The following PRLR variants were observed in gnomAD, a reference collection of about 807,000 sequenced individuals.
PRLR encodes the protein prolactin receptor, also known as hPRL receptor.
In PRLR, 13 loss-of-function variants were observed where a neutral mutation model predicts 40.2. The observed-to-expected ratio is 0.32, with a 90% confidence interval of 0.21 to 0.51. The LOEUF is 0.51. PRLR is among the 20% of genes least tolerant of loss of function. The pLI is 0.97. For missense variants in PRLR, 656 were observed against 747.3 expected, an observed-to-expected ratio of 0.88 and a Z score of 1.42; for synonymous variants, 269 against 278.7, an observed-to-expected ratio of 0.97 and a Z score of 0.35.
intron 3 of PRLR, among the ~76,000 whole-genome samples, chr5:35,087,393 T>G (rs999357425): frequency 6.6e-6 from 1 of 151,738 alleles, no homozygotes; most frequent in Admixed American, 6.6e-5. Context: ...TTAGTCCTTT[T>G]TTTTCTCTTA....
At chr5:35,048,985 C>A in exon 9 of PRLR, 2 of 423,074 alleles carry the variant, frequency 4.7e-6, no homozygotes, top group Non-Finnish European at 9.3e-6. Context: ...TTCACAAACA[C>A]CTGCATAACA....
intron 3 of PRLR, among the ~76,000 whole-genome samples, chr5:35,087,005 T>A (rs1770896895): frequency 1.3e-5 from 2 of 152,130 alleles, no homozygotes; most frequent in Non-Finnish European, 2.9e-5. Flanking sequence ...TTTTCTTGAT[T>A]TTTTTTGGGA....
At chr5:35,115,415 A>C (rs982526447) in intron 2 of PRLR, among the ~76,000 whole-genome samples, 1 of 152,206 alleles carries the variant, frequency 6.6e-6, no homozygotes, top group Non-Finnish European at 1.5e-5. Flanking sequence ...AATTTAGTCA[A>C]AGCAGAAACT....
At chr5:35,142,769 C>T (rs1409329222) in intron 1 of PRLR, among the ~76,000 whole-genome samples, 1 of 152,172 alleles carries the variant, frequency 6.6e-6, no homozygotes, top group Non-Finnish European at 1.5e-5. Context: ...GGTGAGGTTA[C>T]AGAATATTAA....
intron 1 of PRLR, among the ~76,000 whole-genome samples, chr5:35,154,383 T>C (rs1341434570): frequency 2.6e-5 from 4 of 152,226 alleles, no homozygotes; most frequent in African/African-American, 9.6e-5. Flanking sequence ...AATTTTGTAG[T>C]TATTTAGTAT....
intron 1 of PRLR, among the ~76,000 whole-genome samples, chr5:35,146,114 C>T: frequency 6.6e-6 from 1 of 152,172 alleles, no homozygotes. Context: ...GCTAGACCTG[C>T]TTGGTCACTT....
At chr5:35,103,459 G>C (rs552240414) in intron 2 of PRLR, among the ~76,000 whole-genome samples, 1 of 152,274 alleles carries the variant, frequency 6.6e-6, no homozygotes, top group Admixed American at 6.5e-5. Context: ...TGGCTTGGCA[G>C]ATCCCAGTAA....
chr5:35,114,313 T>C (rs1772878685), intron 2 of PRLR, among the ~76,000 whole-genome samples: 1 of 152,212 alleles, frequency 6.6e-6, no homozygotes, highest in Non-Finnish European at 1.5e-5. Context: ...TCTTTTAATG[T>C]AAAGTGTCGA....
chr5:35,067,229 G>A (rs1463272864), intron 9 of PRLR, among the ~76,000 whole-genome samples: 1 of 152,138 alleles, frequency 6.6e-6, no homozygotes, highest in Non-Finnish European at 1.5e-5. Context: ...GGGTTCTTTT[G>A]AGGATTAGAG....
chr5:35,110,134 G>A (rs1014580285), intron 2 of PRLR, among the ~76,000 whole-genome samples: 9 of 152,038 alleles, frequency 5.9e-5, no homozygotes, highest in African/African-American at 9.7e-5. Flanking sequence ...ACCAAACACC[G>A]CATGTTCTCA....
At chr5:35,153,765 A>G (rs1343416325) in intron 1 of PRLR, among the ~76,000 whole-genome samples, 2 of 151,936 alleles carry the variant, frequency 1.3e-5, no homozygotes, top group African/African-American at 4.8e-5. Flanking sequence ...CACTACACAC[A>G]CACACACACA....
chr5:35,070,090 A>G (rs759838360), intron 7 of PRLR, 34 bp downstream of exon 7: 54 of 1,585,370 alleles, frequency 3.4e-5, no homozygotes, highest in Non-Finnish European at 4.2e-5. Flanking sequence ...AAACATATTT[A>G]GGGACATAAG....
chr5:35,120,156 C>T (rs1773238136), intron 1 of PRLR, among the ~76,000 whole-genome samples: 1 of 152,050 alleles, frequency 6.6e-6, no homozygotes, highest in Admixed American at 6.6e-5. Context: ...ATCAGGGTAT[C>T]GATTTCCCTC....
intron 1 of PRLR, among the ~76,000 whole-genome samples, chr5:35,206,442 C>G (rs958334420): frequency 6.6e-6 from 1 of 151,942 alleles, no homozygotes; most frequent in Non-Finnish European, 1.5e-5. Context: ...TGTTGCTGAA[C>G]AGATCACATA....
At chr5:35,069,448 A>G (rs1769605124) in intron 7 of PRLR, among the ~76,000 whole-genome samples, 1 of 152,200 alleles carries the variant, frequency 6.6e-6, no homozygotes, top group Admixed American at 6.5e-5. Context: ...TGAAAGCCCG[A>G]TACTTTGGTC....
Position 35,192,990 on chromosome 5 carries a change from G to A in PRLR, c.-106+37278C>T, listed in dbSNP as rs761008261. The stretch of plus-strand genomic sequence containing the variant: ...TTGCATTTGCAGTTACATGGAACTC[G>A]CTGGGCCACTTCTTGTGGTTTGAAG... On this transcript the variant is annotated intron_variant, in intron 1 of 9. Coordinates refer to ENST00000618457, the MANE Select transcript of PRLR (RefSeq NM_000949.7). Among the ~76,000 whole-genome samples, 28 of 152,250 alleles carry A rather than the reference G, an allele frequency of 1.8e-4. 1 individual carries two copies. The highest frequency in any genetic ancestry group is 1.2e-3 in the South Asian group (6 of 4,822).
chr5:35,090,542 T>C (rs1275213434), intron 2 of PRLR, among the ~76,000 whole-genome samples: 2 of 152,146 alleles, frequency 1.3e-5, no homozygotes, highest in Non-Finnish European at 2.9e-5. Context: ...TTCTTAGAAA[T>C]GCACGGCCTA....
chr5:35,071,755 G>C (rs1436361581), intron 6 of PRLR, among the ~76,000 whole-genome samples: 1 of 152,036 alleles, frequency 6.6e-6, no homozygotes, highest in Non-Finnish European at 1.5e-5. Flanking sequence ...TCACCACCAT[G>C]CCTGGCTAAG....
intron 5 of PRLR, among the ~76,000 whole-genome samples, chr5:35,083,440 C>G (rs571588161): frequency 0.013 from 1,725 of 134,902 alleles, 35 homozygotes; most frequent in African/African-American, 0.059. Context: ...CTCTCTCTTC[C>G]TCTCTCTCTG....
Sources: allele counts gnomAD v4.1 joint callset (sites outside exome capture counted in the v4.1 genomes callset), GRCh38; gene constraint gnomAD v4.1.1; transcripts MANE v1.5; gene names NCBI Gene and HGNC (gene_info 2026-07-23, HGNC 2026-07-21).